Variants in IL1RAPL1 observed in about 807,000 individuals in gnomAD.
IL1RAPL1 encodes interleukin 1 receptor accessory protein like 1.
IL1RAPL1 carries 3 observed loss-of-function variants against 48.4 expected under a neutral mutation model. The ratio of observed to expected loss-of-function variants is 0.06; its 90% CI spans 0.03 to 0.16. The LOEUF (loss-of-function observed/expected upper bound fraction) is 0.16. Ranked by LOEUF, IL1RAPL1 falls within the 10% of genes least tolerant of loss-of-function variation. The pLI, the probability that IL1RAPL1 is intolerant of heterozygous loss-of-function variation, is 1.00. For missense variants in IL1RAPL1, 349 were observed against 530.6 expected, an observed-to-expected ratio of 0.66 and a Z score of 3.36; for synonymous variants, 185 against 187.7, an observed-to-expected ratio of 0.99 and a Z score of 0.12.
chrX:29,819,277 G>GA (rs770704381), intron 6 of IL1RAPL1, among the ~76,000 whole-genome samples: 7 of 110,698 alleles, frequency 6.3e-5, no homozygotes, highest in Admixed American at 5.8e-4. Context: ...TTTATTTGAT[G>GA]AAAAAAAAGC....
At chrX:29,240,133 CTT>C (rs1931379881) in intron 2 of IL1RAPL1, among the ~76,000 whole-genome samples, 1 of 89,477 alleles carries the variant, frequency 1.1e-5, no homozygotes, top group African/African-American at 4.5e-5. Context: ...GGACATGGAT[CTT>C]TTTGTTGGGG....
At chrX:28,680,752 G>T (rs759651055) in intron 1 of IL1RAPL1, among the ~76,000 whole-genome samples, 4 of 111,714 alleles carry the variant, frequency 3.6e-5, no homozygotes, top group Non-Finnish European at 5.7e-5. Context: ...TGTTAATGTG[G>T]TATATCACAT....
intron 6 of IL1RAPL1, among the ~76,000 whole-genome samples, chrX:29,804,968 C>T (rs754383419): frequency 4.0e-4 from 44 of 110,615 alleles, no homozygotes; most frequent in Non-Finnish European, 6.8e-4. Context: ...TTATTTAATA[C>T]TGAGCATCTA....
At chrX:29,940,497 T>G (rs1224168282) in intron 8 of IL1RAPL1, among the ~76,000 whole-genome samples, 1 of 112,105 alleles carries the variant, frequency 8.9e-6, no homozygotes, top group Non-Finnish European at 1.9e-5. Context: ...TCAGAAATGT[T>G]TATATTTAAT....
chrX:29,124,213 C>T (rs1057440617), intron 2 of IL1RAPL1, among the ~76,000 whole-genome samples: 4 of 111,685 alleles, frequency 3.6e-5, no homozygotes, highest in African/African-American at 1.3e-4. Flanking sequence ...TGAGTCAATC[C>T]TTGGAAAATA....
chrX:29,880,373 G>C (rs1211444997), intron 6 of IL1RAPL1, among the ~76,000 whole-genome samples: 1 of 112,022 alleles, frequency 8.9e-6, no homozygotes, highest in East Asian at 2.8e-4. Context: ...TTTTATTCCA[G>C]AGTAAGTTTC....
Position 28,838,679 on chromosome X carries a change from A to G in IL1RAPL1, c.82+49254A>G, listed in dbSNP as rs1281371538. On this transcript the variant is annotated intron_variant, in intron 2 of 10. Transcript: ENST00000378993. ...TTTTTGTTATCACCATGACCTGGCAATTGCAAACAATACCAGTGATAAACT... is the reference window on the plus strand; with the variant it reads ...TTTTTGTTATCACCATGACCTGGCAGTTGCAAACAATACCAGTGATAAACT... Among the ~76,000 whole-genome samples the G allele has an allele frequency of 2.7e-5, 3 of 110,810 alleles. No individual in the cohort carries two copies. In the East Asian group the frequency reaches 8.5e-4, roughly 31 times the overall value.
intron 2 of IL1RAPL1, among the ~76,000 whole-genome samples, chrX:29,136,124 CTTT>C (rs35972652): frequency 0.014 from 922 of 64,157 alleles, 11 homozygotes; most frequent in African/African-American, 0.048. Context: ...CATTTGAACT[CTTT>C]TTTTTTTTTT....
At chrX:28,831,024 CTCTGTGTGTGTGTGTGTGTGTG>C (rs1271442065) in intron 2 of IL1RAPL1, among the ~76,000 whole-genome samples, 25 of 59,243 alleles carry the variant, frequency 4.2e-4, no homozygotes, top group South Asian at 3.5e-3. Flanking sequence ...CTCTCTCTCT[CTCTGTGTGTGTGTGTGTGTGTG>C]TGTGTGTGTG....
intron 5 of IL1RAPL1, among the ~76,000 whole-genome samples, chrX:29,418,553 A>G (rs959984558): frequency 8.0e-5 from 9 of 112,055 alleles, no homozygotes; most frequent in Non-Finnish European, 1.5e-4. Flanking sequence ...TTCCAATTAG[A>G]TATTGTTGCT....
intron 2 of IL1RAPL1, among the ~76,000 whole-genome samples, chrX:29,020,882 A>G (rs1233565720): frequency 1.8e-5 from 2 of 112,067 alleles, no homozygotes; most frequent in Non-Finnish European, 3.8e-5. Context: ...CCAGAATTAA[A>G]CTGCACCTAA....
intron 3 of IL1RAPL1, among the ~76,000 whole-genome samples, chrX:29,327,218 T>G (rs1488383518): frequency 2.7e-5 from 3 of 111,264 alleles, no homozygotes; most frequent in Non-Finnish European, 5.7e-5. Flanking sequence ...TCCCTTCTAT[T>G]GTATTTCATG....
intron 5 of IL1RAPL1, among the ~76,000 whole-genome samples, chrX:29,620,257 G>A (rs1415592795): frequency 8.9e-6 from 1 of 112,000 alleles, no homozygotes; most frequent in Non-Finnish European, 1.9e-5. Flanking sequence ...CCACAGGGAT[G>A]TGTTCTGAAG....
chrX:28,761,674 T>A (rs1038449188), intron 1 of IL1RAPL1, among the ~76,000 whole-genome samples: 2 of 111,755 alleles, frequency 1.8e-5, no homozygotes, highest in Non-Finnish European at 3.8e-5. Flanking sequence ...AGATCATTTG[T>A]ACTAGAAACC....
chrX:29,423,682 C>A (rs1227374290), intron 5 of IL1RAPL1, among the ~76,000 whole-genome samples: 1 of 111,565 alleles, frequency 9.0e-6, no homozygotes, highest in Non-Finnish European at 1.9e-5. Flanking sequence ...ACATGAGCAT[C>A]TCTTTAAGGC....
chrX:29,802,747 TTATATATATATATATATATA>T (rs1210417673), intron 6 of IL1RAPL1, among the ~76,000 whole-genome samples: 1,675 of 36,214 alleles, frequency 0.046, 90 homozygotes, highest in African/African-American at 0.14. Flanking sequence ...GAGGAAAAAA[TTATATATATATATATATATA>T]TATATATATA....
intron 5 of IL1RAPL1, among the ~76,000 whole-genome samples, chrX:29,591,426 C>T (rs1297720049): frequency 1.8e-5 from 2 of 112,656 alleles, no homozygotes; most frequent in African/African-American, 6.4e-5. Context: ...TCTCAGGACA[C>T]TTCTGTGAAT....
chrX:29,536,462 G>A (rs180820351), intron 5 of IL1RAPL1, among the ~76,000 whole-genome samples: 1,224 of 107,967 alleles, frequency 0.011, 8 homozygotes, highest in Middle Eastern at 0.029. Context: ...GTGAAGGTTT[G>A]ATGCTTATCT....
At chrX:29,741,661 C>T (rs1928199981) in intron 6 of IL1RAPL1, among the ~76,000 whole-genome samples, 1 of 109,627 alleles carries the variant, frequency 9.1e-6, no homozygotes. Flanking sequence ...TGGCTCACAC[C>T]TGTAATCCCA....
Sources: gnomAD v4.1 joint callset for allele counts (sites outside exome capture counted in the v4.1 genomes callset) on GRCh38, gnomAD v4.1.1 for gene constraint, MANE v1.5 for transcripts, NCBI Gene and HGNC (gene_info 2026-07-23, HGNC 2026-07-21) for gene names.